Variants in PAQR5 observed in about 807,000 individuals in gnomAD.
PAQR5 encodes the protein membrane progestin receptor gamma.
In PAQR5, 20 loss-of-function variants were observed where a neutral mutation model predicts 34.5. The observed-to-expected ratio is 0.58, with a 90% confidence interval of 0.41 to 0.84. PAQR5 has a LOEUF of 0.84. Ranked by LOEUF, PAQR5 falls within the 40% of genes least tolerant of loss-of-function variation. PAQR5 has a pLI of 0.00. For missense variants in PAQR5, 378 were observed against 412.7 expected (o/e 0.92, Z 0.73); for synonymous variants, 131 against 155.6 (o/e 0.84, Z 1.18).
chr15:69,391,178 G>A (rs1462260998), intron 6 of PAQR5: 4 of 152,836 alleles, frequency 2.6e-5, no homozygotes, highest in Non-Finnish European at 4.4e-5. Context: ...AAACAGGCAG[G>A]TGAGATATGC....
intron 1 of PAQR5, among the ~76,000 whole-genome samples, chr15:69,312,025 T>G (rs1455961699): frequency 6.6e-6 from 1 of 151,920 alleles, no homozygotes; most frequent in Non-Finnish European, 1.5e-5. Flanking sequence ...CTGGAGGAAG[T>G]GGGCTGGGGA....
In PAQR5 at chr15:69,403,690, C is replaced by T; in HGVS notation, c.861C>T (p.Ser287=). 4 of 1,614,200 alleles carry T rather than the reference C, an allele frequency of 2.5e-6. No individual in the cohort carries two copies. The highest frequency in any genetic ancestry group is 3.4e-6 in the Non-Finnish European group (4 of 1,180,026). ...GGAAGGAATGGCTCCTGGCCACCTC[C>T]AAGCCCTTCTCTTTCTCTCAGATAG... ...TLRKEWLLAT[S]KPFSFSQIAG... Residue 287 remains serine, a synonymous_variant, in exon 9 of 9, where the codon TCC becomes TCT. Transcript: ENST00000395407.
chr15:69,359,731 A>G (rs1430671818), intron 2 of PAQR5, among the ~76,000 whole-genome samples: 1 of 151,982 alleles, frequency 6.6e-6, no homozygotes, highest in Non-Finnish European at 1.5e-5. Context: ...GGAGGCAGAA[A>G]TTGGGCATAA....
intron 2 of PAQR5, among the ~76,000 whole-genome samples, chr15:69,343,083 C>G (rs1366489313): frequency 6.6e-6 from 1 of 152,190 alleles, no homozygotes; most frequent in Non-Finnish European, 1.5e-5. Context: ...TCCAGACATC[C>G]GGTGGTGATT....
chr15:69,389,820 G>A (rs1436244470), intron 6 of PAQR5, 40 bp downstream of exon 6: 1 of 1,609,242 alleles, frequency 6.2e-7, no homozygotes, highest in Non-Finnish European at 8.5e-7. Flanking sequence ...GGGAGGGAGG[G>A]TCTTGCATGC....
intron 1 of PAQR5, among the ~76,000 whole-genome samples, chr15:69,305,231 C>T (rs1407613306): frequency 6.6e-6 from 1 of 152,188 alleles, no homozygotes; most frequent in African/African-American, 2.4e-5. Flanking sequence ...CCAAAACTGT[C>T]TCCAGACATT....
At chr15:69,319,495 T>C (rs1353621740) in intron 1 of PAQR5, among the ~76,000 whole-genome samples, 1 of 151,726 alleles carries the variant, frequency 6.6e-6, no homozygotes, top group Admixed American at 6.6e-5. Context: ...TGGAGCCTGA[T>C]AACAGGGTGA....
chr15:69,402,598 G>A (rs187359215), intron 8 of PAQR5, among the ~76,000 whole-genome samples: 1 of 152,302 alleles, frequency 6.6e-6, no homozygotes, highest in Admixed American at 6.5e-5. Context: ...TTACAGGCGT[G>A]AACCACCGCG....
At chr15:69,403,302 G>T (rs1385664044) in intron 8 of PAQR5, among the ~76,000 whole-genome samples, 1 of 152,062 alleles carries the variant, frequency 6.6e-6, no homozygotes, top group Non-Finnish European at 1.5e-5. Flanking sequence ...ACAATTTAAT[G>T]ATATTTTCAG....
At chr15:69,401,337 G>C (rs2056620649) in intron 8 of PAQR5, among the ~76,000 whole-genome samples, 1 of 152,172 alleles carries the variant, frequency 6.6e-6, no homozygotes. Flanking sequence ...AAAAGATGTG[G>C]CCAGATGCAG....
chr15:69,316,876 G>A, intron 1 of PAQR5, among the ~76,000 whole-genome samples: 1 of 152,142 alleles, frequency 6.6e-6, no homozygotes, highest in East Asian at 1.9e-4. Flanking sequence ...GCTGCGTGCA[G>A]TGGTGGGATT....
intron 3 of PAQR5, among the ~76,000 whole-genome samples, chr15:69,360,565 T>C (rs2055205536): frequency 6.6e-6 from 1 of 152,110 alleles, no homozygotes; most frequent in African/African-American, 2.4e-5. Flanking sequence ...ACTGGGGCGA[T>C]GGGGAGGGTT....
intron 3 of PAQR5, among the ~76,000 whole-genome samples, chr15:69,378,407 A>G (rs892806106): frequency 1.5e-5 from 2 of 134,700 alleles, no homozygotes; most frequent in Non-Finnish European, 3.1e-5. Context: ...ACTGTACTCC[A>G]GCCTGGGCTT....
At chr15:69,335,570 G>A (rs1417679859) in intron 1 of PAQR5, among the ~76,000 whole-genome samples, 1 of 49,910 alleles carries the variant, frequency 2.0e-5, no homozygotes, top group Non-Finnish European at 3.5e-5. Context: ...TTTTTTTTGA[G>A]ACAGAGTCTC....
At chr15:69,320,891 T>C (rs185195742) in intron 1 of PAQR5, among the ~76,000 whole-genome samples, 26 of 152,334 alleles carry the variant, frequency 1.7e-4, no homozygotes, top group Non-Finnish European at 3.2e-4. Flanking sequence ...AGAAAAAGCT[T>C]TTCCTGACTC....
intron 4 of PAQR5, among the ~76,000 whole-genome samples, chr15:69,382,005 G>T (rs2055896954): frequency 6.6e-6 from 1 of 152,182 alleles, no homozygotes; most frequent in African/African-American, 2.4e-5. Flanking sequence ...GGCAGACCTG[G>T]TGAAGAATTT....
At chr15:69,401,611 C>T (rs1042753605) in intron 8 of PAQR5, among the ~76,000 whole-genome samples, 23 of 152,200 alleles carry the variant, frequency 1.5e-4, no homozygotes, top group Non-Finnish European at 3.4e-4. Context: ...TTCTTAATAA[C>T]ATTTTATTCA....
At chr15:69,311,937 G>A (rs2053843108) in intron 1 of PAQR5, among the ~76,000 whole-genome samples, 1 of 152,344 alleles carries the variant, frequency 6.6e-6, no homozygotes, top group African/African-American at 2.4e-5. Flanking sequence ...GTAAGGGTCA[G>A]TAAACTGCAG....
At position 69,306,488 on chromosome 15, in the gene PAQR5, C is replaced by T. The variant is rs145973759; in HGVS notation, c.-277+7432C>T. Among the ~76,000 whole-genome samples, 1,062 of 150,378 alleles carry T rather than the reference C, an allele frequency of 7.1e-3. 16 individuals are homozygous for T. Among genetic ancestry groups the T allele is most frequent in the African/African-American group, 0.025 (1,003 of 40,820 alleles). The stretch of plus-strand genomic sequence containing the variant: ...GTGCAACGGCACCATCTCGGCTCAC[C>T]GCAACCTCTGCCTCCTGGGTTCAAG... On this transcript the variant is annotated intron_variant, in intron 1 of 8. Transcript: ENST00000395407.
Sources: allele counts gnomAD v4.1 joint callset (sites outside exome capture counted in the v4.1 genomes callset), GRCh38; gene constraint gnomAD v4.1.1; transcripts MANE v1.5; gene names NCBI Gene and HGNC (gene_info 2026-07-23, HGNC 2026-07-21).